CGRRF1: variants seen among roughly 807,000 people sequenced by gnomAD.
The protein encoded by CGRRF1 is cell growth regulator with RING finger domain protein 1.
Under a neutral mutation model 37.2 loss-of-function variants are expected in CGRRF1, and 32 were observed. That is an observed-to-expected ratio of 0.86 (90% CI 0.65 to 1.16). CGRRF1 has a LOEUF of 1.16. Among genes scored for constraint, CGRRF1 ranks in the 50% most tolerant of loss-of-function variants. The pLI is 0.00. For missense variants in CGRRF1, 391 were observed against 382.6 expected, an observed-to-expected ratio of 1.02 and a Z score of -0.18; for synonymous variants, 141 against 140.3, an observed-to-expected ratio of 1.00 and a Z score of -0.04.
At chr14:54,531,175 A>G (rs2032509308) in intron 4 of CGRRF1, 125 bp downstream of exon 4, 1 of 741,972 alleles carries the variant, frequency 1.3e-6, no homozygotes, top group Non-Finnish European at 2.2e-6. Context: ...TACAACAACT[A>G]TATACCTATT....
In CGRRF1 at chr14:54,530,042, T is replaced by G. The variant is rs1282556316; in HGVS notation, c.245-7T>G. 6.3e-7 allele frequency: 1 copy of G among 1,598,284 alleles called. No individual in the cohort carries two copies. The highest frequency in any genetic ancestry group is 1.7e-5 in the Admixed American group (1 of 59,400). On this transcript the variant is annotated splice_polypyrimidine_tract_variant and splice_region_variant and intron_variant, in intron 2 of 5. Transcript: ENST00000216420. ...CACTTTCATTCTTTCTCCTTTGTTT[T>G]TTACAGCTGGCATAACCTTGACAAC...
Position 54,538,101 on chromosome 14 carries a change from C to T in CGRRF1, c.717C>T (p.Ser239=), listed in dbSNP as rs768510198. ...FMSANNNFTP[S]NNSSSEEKNT... is the part of the protein sequence containing the mutation. Reference sequence around the variant, plus strand: ...CTGCAAATAATAATTTCACTCCCTCCAACAATTCCTCTTCAGAAGAAAAAA... The same window carrying T: ...CTGCAAATAATAATTTCACTCCCTCTAACAATTCCTCTTCAGAAGAAAAAA... The change falls in exon 6 of 6, where the codon TCC becomes TCT. Residue 239 remains serine, a synonymous_variant. Transcript: ENST00000216420. The T allele has an allele frequency of 6.2e-7, 1 of 1,613,390 alleles. No individual in the cohort carries two copies. Among genetic ancestry groups the T allele is most frequent in the South Asian group, 1.1e-5 (1 of 90,906 alleles).
chr14:54,535,432 A>G (rs1027538841), intron 4 of CGRRF1, among the ~76,000 whole-genome samples: 1 of 150,126 alleles, frequency 6.7e-6, no homozygotes, highest in Non-Finnish European at 1.5e-5. Context: ...TGTTTGTCTG[A>G]TTTTTCTTAT....
intron 1 of CGRRF1, among the ~76,000 whole-genome samples, chr14:54,521,823 A>T (rs1369513392): frequency 2.0e-5 from 3 of 152,110 alleles, no homozygotes; most frequent in Admixed American, 2.0e-4. Flanking sequence ...CTGCCTCTTG[A>T]ATATATATTT....
chr14:54,514,852 C>A (rs921756048), intron 1 of CGRRF1, among the ~76,000 whole-genome samples: 8 of 152,058 alleles, frequency 5.3e-5, no homozygotes, highest in African/African-American at 1.9e-4. Context: ...TGATTTTTTT[C>A]TTGACCTCTA....
At chr14:54,533,599 AT>A (rs1566513084) in intron 4 of CGRRF1, among the ~76,000 whole-genome samples, 1 of 151,990 alleles carries the variant, frequency 6.6e-6, no homozygotes, top group East Asian at 1.9e-4. Flanking sequence ...TTTTTTCAGT[AT>A]TGTATGTGCG....
At chr14:54,522,648 C>T in intron 2 of CGRRF1, 55 bp downstream of exon 2, 5 of 1,475,620 alleles carry the variant, frequency 3.4e-6, no homozygotes, top group Non-Finnish European at 4.6e-6. Flanking sequence ...TTTTTTTAGC[C>T]CTTTTATTTT....
chr14:54,523,625 G>C (rs1218215030), intron 2 of CGRRF1, among the ~76,000 whole-genome samples: 2 of 151,570 alleles, frequency 1.3e-5, no homozygotes, highest in African/African-American at 2.4e-5. Context: ...AGAAACAGTA[G>C]TTATGGCTAA....
At chr14:54,524,567 G>T (rs1263092889) in intron 2 of CGRRF1, among the ~76,000 whole-genome samples, 1 of 151,452 alleles carries the variant, frequency 6.6e-6, no homozygotes, top group East Asian at 1.9e-4. Flanking sequence ...AAAAAAAAAT[G>T]TTTTTTGTGG....
Position 54,522,586 on chromosome 14 carries a change from A to C in CGRRF1, c.237A>C (p.Ser79=), listed in dbSNP as rs1266561176. The change falls in exon 2 of 6, where the codon TCA becomes TCC. Residue 79 remains serine, a synonymous_variant. Transcript: ENST00000216420. ...AGATCACTAATCCATCTTCAGCTTCAATTACAAGTTGGTGGCTGTTTTCCA... is the reference window on the plus strand; with the variant it reads ...AGATCACTAATCCATCTTCAGCTTCCATTACAAGTTGGTGGCTGTTTTCCA... ...GLEITNPSSA[S]ITTGITLTTD... 1 of 1,581,980 alleles carries C rather than the reference A, an allele frequency of 6.3e-7. No homozygotes were observed.
chr14:54,525,192 T>C (rs2032392536), intron 2 of CGRRF1, among the ~76,000 whole-genome samples: 1 of 152,220 alleles, frequency 6.6e-6, no homozygotes, highest in African/African-American at 2.4e-5. Context: ...CTGCAAGGCC[T>C]TCCTTCCTGC....
In CGRRF1 at chr14:54,527,886, G is replaced by A. The variant is rs559090583; in HGVS notation, c.245-2163G>A. Among the ~76,000 whole-genome samples the A allele has an allele frequency of 3.3e-5, 5 of 152,062 alleles. No individual in the cohort carries two copies. In the South Asian group the frequency reaches 1.0e-3, roughly 32 times the overall value. ...CTTCCAAGAAGTTAGGACCACGGGT[G>A]CGTGCCACCATGCCCAGCTAATTTT... On this transcript the variant is annotated intron_variant, in intron 2 of 5. Transcript: ENST00000216420.
chr14:54,531,010 T>C lies in CGRRF1; in HGVS notation c.530T>C (p.Leu177Ser). Reference protein sequence around the residue: ...PRSRYPLVALLTLADEDDREI... With the variant: ...PRSRYPLVALSTLADEDDREI... ...TCTCGCTATCCATTGGTAGCGCTAT[T>C]GACCTTAGCTGATGAGGATGACCGG... Residue 177 changes from leucine to serine, a missense_variant, in exon 4 of 6, where the codon TTG becomes TCG. Physicochemically the swap from Leu to Ser is moderately radical, Grantham distance 145. Transcript: ENST00000216420. 6.2e-7 allele frequency: 1 copy of C among 1,611,658 alleles called. No homozygotes were observed. Among genetic ancestry groups the C allele is most frequent in the Non-Finnish European group, 8.5e-7 (1 of 1,178,970 alleles).
At chr14:54,527,943 G>A (rs899732559) in intron 2 of CGRRF1, among the ~76,000 whole-genome samples, 5 of 151,916 alleles carry the variant, frequency 3.3e-5, no homozygotes, top group African/African-American at 7.3e-5. Flanking sequence ...GTTTTGCCAC[G>A]TTGGCCCAGG....
Position 54,515,095 on chromosome 14 carries a change from T to G in CGRRF1, c.104+5032T>G, listed in dbSNP as rs569583318. Among the ~76,000 whole-genome samples the G allele has an allele frequency of 4.0e-5, 6 of 148,816 alleles. No homozygotes were observed. The East Asian group carries it at 7.8e-4, about 19-fold the overall frequency. On this transcript the variant is annotated intron_variant, in intron 1 of 5. Coordinates refer to ENST00000216420, the MANE Select transcript of CGRRF1 (RefSeq NM_006568.3). ...TATTATTGGGTGAGTTTTTTGTTTT[T>G]TTTTTTTTTTTTGAGACAGAGTCTC... is the stretch of plus-strand genomic sequence containing the variant.
intron 1 of CGRRF1, among the ~76,000 whole-genome samples, chr14:54,511,847 C>T (rs904184508): frequency 7.2e-5 from 11 of 152,210 alleles, no homozygotes; most frequent in African/African-American, 2.7e-4. Context: ...ACTGCTGAGG[C>T]CACAAGACCA....
At chr14:54,516,425 C>A (rs1350840901) in intron 1 of CGRRF1, among the ~76,000 whole-genome samples, 1 of 152,128 alleles carries the variant, frequency 6.6e-6, no homozygotes, top group African/African-American at 2.4e-5. Flanking sequence ...TCTAGATTGA[C>A]AAGATTTTTT....
intron 3 of CGRRF1, chr14:54,530,605 C>A: frequency 1.2e-6 from 1 of 851,580 alleles, no homozygotes; most frequent in Non-Finnish European, 1.8e-6. Flanking sequence ...ATCTGATATA[C>A]CCATTAGCAC....
At chr14:54,534,824 T>A (rs1052364904) in intron 4 of CGRRF1, among the ~76,000 whole-genome samples, 1 of 152,026 alleles carries the variant, frequency 6.6e-6, no homozygotes, top group African/African-American at 2.4e-5. Flanking sequence ...AAGTGATCCT[T>A]CTGCCTCAGC....
Sources: allele counts gnomAD v4.1 joint callset (sites outside exome capture counted in the v4.1 genomes callset), GRCh38; gene constraint gnomAD v4.1.1; transcripts MANE v1.5; gene names NCBI Gene and HGNC (gene_info 2026-07-23, HGNC 2026-07-21).